Variants in ERC2 observed in about 807,000 individuals in gnomAD.
ERC2 encodes the protein ERC protein 2.
A neutral mutation model predicts 114.8 loss-of-function variants in ERC2; 42 were observed. That is an observed-to-expected ratio of 0.37 (90% CI 0.29 to 0.47). ERC2 has a LOEUF of 0.47. ERC2 is among the 20% of genes least tolerant of loss of function. ERC2 has a pLI of 0.99. For synonymous variants in ERC2, 454 were observed against 425.5 expected (o/e 1.07, Z -0.82); for missense variants, 939 against 1,150.7 (o/e 0.82, Z 2.66).
intron 10 of ERC2, chr3:56,003,230 C>T: frequency 1.2e-6 from 1 of 834,338 alleles, no homozygotes; most frequent in Non-Finnish European, 1.6e-6. Flanking sequence ...CATGCATTCG[C>T]ACAGACGAGT....
At chr3:56,175,338 A>G (rs985386132) in intron 3 of ERC2, among the ~76,000 whole-genome samples, 1 of 152,232 alleles carries the variant, frequency 6.6e-6, no homozygotes, top group African/African-American at 2.4e-5. Flanking sequence ...CACATCAGTC[A>G]GGATATTTTT....
At chr3:55,841,460 T>C (rs950627986) in intron 14 of ERC2, among the ~76,000 whole-genome samples, 4 of 152,230 alleles carry the variant, frequency 2.6e-5, no homozygotes, top group African/African-American at 7.2e-5. Context: ...CATGTAGAAC[T>C]GTGAGTCCAT....
intron 17 of ERC2, among the ~76,000 whole-genome samples, chr3:55,628,698 A>G (rs1373002745): frequency 6.6e-6 from 1 of 151,974 alleles, no homozygotes; most frequent in East Asian, 1.9e-4. Flanking sequence ...CATTGAAAAA[A>G]GAAGATGAAA....
intron 3 of ERC2, among the ~76,000 whole-genome samples, chr3:56,262,482 C>A (rs914890856): frequency 6.6e-6 from 1 of 152,196 alleles, no homozygotes; most frequent in Non-Finnish European, 1.5e-5. Flanking sequence ...AGCTAATGAA[C>A]CTCTCCAGTA....
At chr3:56,260,260 C>T (rs2052825235) in intron 3 of ERC2, among the ~76,000 whole-genome samples, 1 of 152,160 alleles carries the variant, frequency 6.6e-6, no homozygotes, top group African/African-American at 2.4e-5. Flanking sequence ...CCCGTAAGTC[C>T]TGGGACTCTC....
intron 3 of ERC2, among the ~76,000 whole-genome samples, chr3:56,286,445 A>G (rs1474782591): frequency 3.5e-4 from 52 of 150,640 alleles, no homozygotes; most frequent in African/African-American, 1.2e-3. Flanking sequence ...AAAAAGGCAG[A>G]AAAAAATACC....
chr3:55,897,940 A>T (rs1427762335), intron 13 of ERC2, among the ~76,000 whole-genome samples: 2 of 152,164 alleles, frequency 1.3e-5, no homozygotes, highest in Admixed American at 1.3e-4. Context: ...CTTTGCTTAC[A>T]TTGGTTGCCT....
At chr3:56,099,661 C>A (rs17825207) in intron 6 of ERC2, among the ~76,000 whole-genome samples, 20,432 of 152,178 alleles carry the variant, frequency 0.13, 1,474 homozygotes, top group East Asian at 0.16. Context: ...GTTGCCAGAT[C>A]CTAAAACTGT....
chr3:56,415,237 G>C (rs900835974), intron 2 of ERC2, among the ~76,000 whole-genome samples: 2 of 152,150 alleles, frequency 1.3e-5, no homozygotes, highest in African/African-American at 2.4e-5. Context: ...CTATATTCAG[G>C]AATGTTATTT....
intron 17 of ERC2, among the ~76,000 whole-genome samples, chr3:55,525,748 T>C (rs2053270338): frequency 6.6e-6 from 1 of 152,126 alleles, no homozygotes; most frequent in Admixed American, 6.5e-5. Flanking sequence ...AGATGCTGCC[T>C]TCAGGCAGTG....
chr3:55,575,272 A>G (rs2056919007), intron 17 of ERC2, among the ~76,000 whole-genome samples: 1 of 151,898 alleles, frequency 6.6e-6, no homozygotes, highest in Admixed American at 6.6e-5. Flanking sequence ...CTCACCCTGC[A>G]CTCCCAAAGT....
chr3:56,361,284 G>C (rs1482515936), intron 2 of ERC2, among the ~76,000 whole-genome samples: 1 of 152,120 alleles, frequency 6.6e-6, no homozygotes, highest in Non-Finnish European at 1.5e-5. Flanking sequence ...GACATCCTGG[G>C]AGACAAGGAC....
chr3:56,120,581 G>A (rs887865127), intron 6 of ERC2, among the ~76,000 whole-genome samples: 1 of 152,140 alleles, frequency 6.6e-6, no homozygotes, highest in Non-Finnish European at 1.5e-5. Context: ...AAATAAACAG[G>A]GGAAGTAAGA....
At chr3:56,087,933 A>C (rs2077590120) in intron 6 of ERC2, among the ~76,000 whole-genome samples, 1 of 152,160 alleles carries the variant, frequency 6.6e-6, no homozygotes, top group Non-Finnish European at 1.5e-5. Context: ...AAATAACCTA[A>C]AATCTAAAAC....
chr3:55,536,702 C>A (rs778077518), intron 17 of ERC2, among the ~76,000 whole-genome samples: 1 of 152,166 alleles, frequency 6.6e-6, no homozygotes. Flanking sequence ...ACTAAACAAA[C>A]GGGTGTGGGA....
intron 1 of ERC2, among the ~76,000 whole-genome samples, chr3:56,458,554 T>G (rs1269164666): frequency 1.3e-5 from 2 of 152,120 alleles, no homozygotes; most frequent in Non-Finnish European, 2.9e-5. Flanking sequence ...TGCTCCACGC[T>G]CACAAGCCTG....
At chr3:56,243,419 C>T (rs2051457613) in intron 3 of ERC2, among the ~76,000 whole-genome samples, 1 of 152,146 alleles carries the variant, frequency 6.6e-6, no homozygotes. Context: ...TGAATTATTC[C>T]ATCAGGACTT....
chr3:55,745,229 G>T (rs1400501851), intron 14 of ERC2, among the ~76,000 whole-genome samples: 1 of 152,154 alleles, frequency 6.6e-6, no homozygotes, highest in Non-Finnish European at 1.5e-5. Flanking sequence ...GGCTTGACTT[G>T]GTCTATAACT....
intron 13 of ERC2, among the ~76,000 whole-genome samples, chr3:55,934,038 T>C (rs1235157771): frequency 1.3e-5 from 2 of 152,200 alleles, no homozygotes; most frequent in Non-Finnish European, 2.9e-5. Flanking sequence ...TGATGTTTCA[T>C]GGCAAGAAAA....
Sources: gnomAD v4.1 joint callset for allele counts (sites outside exome capture counted in the v4.1 genomes callset) on GRCh38, gnomAD v4.1.1 for gene constraint, MANE v1.5 for transcripts, NCBI Gene and HGNC (gene_info 2026-07-23, HGNC 2026-07-21) for gene names.